Variants in ZNF385D observed in about 807,000 individuals in gnomAD.
ZNF385D encodes zinc finger protein 659.
A neutral mutation model predicts 35.8 loss-of-function variants in ZNF385D; 15 were observed. The observed-to-expected ratio is 0.42, with a 90% CI of 0.28 to 0.64. ZNF385D has a LOEUF of 0.64. ZNF385D is among the 30% of genes least tolerant of loss of function. ZNF385D has a pLI of 0.23. For synonymous variants in ZNF385D, 212 were observed against 186.8 expected, an observed-to-expected ratio of 1.13 and a Z score of -1.10; for missense variants, 474 against 494.6, an observed-to-expected ratio of 0.96 and a Z score of 0.39.
intron 3 of ZNF385D, among the ~76,000 whole-genome samples, chr3:21,822,599 TG>T (rs1424701103): frequency 6.9e-6 from 1 of 144,776 alleles, no homozygotes; most frequent in Non-Finnish European, 1.5e-5. Context: ...TAGAAACTTC[TG>T]GAATGGAAAC....
chr3:22,266,500 G>A (rs1700903410), intron 2 of ZNF385D, among the ~76,000 whole-genome samples: 2 of 151,810 alleles, frequency 1.3e-5, no homozygotes, highest in Non-Finnish European at 2.9e-5. Flanking sequence ...AAGCTACCAA[G>A]ATCTTCCTAA....
In ZNF385D at chr3:21,893,177, G is replaced by A. The variant is rs949807848; in HGVS notation, c.326-228149C>T. ...AATGGTGAGAATTCCAGGTATTGTTGATGTGGAAGAGTATTGGTAGATTAG... is the reference window on the plus strand; with the variant it reads ...AATGGTGAGAATTCCAGGTATTGTTAATGTGGAAGAGTATTGGTAGATTAG... On this transcript the variant is annotated intron_variant, in intron 3 of 5. Coordinates refer to the ZNF385D transcript ENST00000494108. Among the ~76,000 whole-genome samples the A allele has an allele frequency of 4.6e-5, 7 of 152,204 alleles. No individual in the cohort carries two copies. In the South Asian group the frequency reaches 1.2e-3, roughly 27 times the overall value.
At chr3:21,847,317 G>A (rs527747715) in intron 3 of ZNF385D, among the ~76,000 whole-genome samples, 1 of 152,146 alleles carries the variant, frequency 6.6e-6, no homozygotes, top group East Asian at 1.9e-4. Context: ...GAGTTCCACT[G>A]TTTAAGAAAG....
At chr3:21,930,241 T>A (rs918447276) in intron 3 of ZNF385D, among the ~76,000 whole-genome samples, 1 of 148,498 alleles carries the variant, frequency 6.7e-6, no homozygotes, top group African/African-American at 2.5e-5. Context: ...GGTATCTACA[T>A]GCAAAAGTAA....
chr3:22,230,167 T>A (rs1698801131), intron 2 of ZNF385D, among the ~76,000 whole-genome samples: 1 of 152,250 alleles, frequency 6.6e-6, no homozygotes, highest in Admixed American at 6.5e-5. Context: ...CAAATTTGGC[T>A]TAAAGAAAAA....
At chr3:22,271,780 G>A (rs1047423657) in intron 2 of ZNF385D, among the ~76,000 whole-genome samples, 4 of 151,878 alleles carry the variant, frequency 2.6e-5, no homozygotes, top group Non-Finnish European at 4.4e-5. Flanking sequence ...CAGACTCAAA[G>A]TTAGCCTTTT....
intron 3 of ZNF385D, among the ~76,000 whole-genome samples, chr3:22,165,512 G>T (rs182478000): frequency 2.0e-5 from 3 of 152,224 alleles, no homozygotes; most frequent in Admixed American, 6.5e-5. Context: ...ATTTTTATTT[G>T]TATTCCCACT....
chr3:21,628,275 T>C (rs868258473), intron 2 of ZNF385D, among the ~76,000 whole-genome samples: 5 of 152,124 alleles, frequency 3.3e-5, no homozygotes, highest in Admixed American at 6.6e-5. Flanking sequence ...TCAGTTTAAT[T>C]GCTCACAAGC....
At chr3:21,656,949 A>G (rs1241798322) in intron 2 of ZNF385D, among the ~76,000 whole-genome samples, 11 of 151,932 alleles carry the variant, frequency 7.2e-5, no homozygotes, top group Non-Finnish European at 1.5e-4. Flanking sequence ...TATTTACTCA[A>G]AATCCCAGTT....
At chr3:21,788,334 CG>C (rs1241461027) in intron 3 of ZNF385D, among the ~76,000 whole-genome samples, 1 of 152,060 alleles carries the variant, frequency 6.6e-6, no homozygotes, top group Non-Finnish European at 1.5e-5. Context: ...CAAAATTAGC[CG>C]GGCTTGGTGG....
In ZNF385D at chr3:21,818,622, G is replaced by A. The variant is rs930441077; in HGVS notation, c.326-153594C>T. ...CTACACATTAGAGCATGGGCGTATGGAGGAAATGAGAAAGGGTAATAAGAT... is the reference window on the plus strand; with the variant it reads ...CTACACATTAGAGCATGGGCGTATGAAGGAAATGAGAAAGGGTAATAAGAT... On this transcript the variant is annotated intron_variant, in intron 3 of 5. Transcript: ENST00000494108. 7.2e-5 allele frequency among the ~76,000 whole-genome samples: 11 copies of A among 152,032 alleles called. 1 individual carries two copies. Among genetic ancestry groups the A allele is most frequent in the Admixed American group, 6.6e-4 (10 of 15,256 alleles).
At chr3:21,553,170 A>G (rs1320577729) in intron 3 of ZNF385D, among the ~76,000 whole-genome samples, 1 of 152,130 alleles carries the variant, frequency 6.6e-6, no homozygotes, top group Non-Finnish European at 1.5e-5. Context: ...AAAGAACATA[A>G]CCTTGCAGAC....
At chr3:21,824,492 T>C (rs1694474805) in intron 3 of ZNF385D, among the ~76,000 whole-genome samples, 1 of 152,180 alleles carries the variant, frequency 6.6e-6, no homozygotes, top group African/African-American at 2.4e-5. Flanking sequence ...CATATGTACA[T>C]ACATTTATGT....
At chr3:22,190,075 G>T (rs954495219) in intron 2 of ZNF385D, among the ~76,000 whole-genome samples, 1 of 152,124 alleles carries the variant, frequency 6.6e-6, no homozygotes, top group South Asian at 2.1e-4. Flanking sequence ...CCCAGTGGGT[G>T]TAACGAAGCA....
At chr3:21,609,952 T>G (rs911317308) in intron 2 of ZNF385D, among the ~76,000 whole-genome samples, 1 of 152,184 alleles carries the variant, frequency 6.6e-6, no homozygotes, top group African/African-American at 2.4e-5. Flanking sequence ...TTAAACTGTT[T>G]CCAGTTGCGC....
intron 2 of ZNF385D, among the ~76,000 whole-genome samples, chr3:21,613,062 T>A (rs985013871): frequency 3.3e-5 from 5 of 151,900 alleles, no homozygotes; most frequent in Admixed American, 1.3e-4. Flanking sequence ...GCTCGTTACT[T>A]TTTCAGATTT....
chr3:22,110,621 C>G (rs1198018310), intron 3 of ZNF385D, among the ~76,000 whole-genome samples: 1 of 151,672 alleles, frequency 6.6e-6, no homozygotes, highest in Admixed American at 6.6e-5. Flanking sequence ...GGGAACATCA[C>G]ACTCCAGGGC....
chr3:22,258,439 G>C lies in ZNF385D; in HGVS notation c.107-89404C>G, dbSNP rs115903936. Among the ~76,000 whole-genome samples, 1,450 of 151,816 alleles carry C rather than the reference G, an allele frequency of 9.6e-3. 21 individuals carry two copies. The highest frequency in any genetic ancestry group is 0.033 in the African/African-American group (1,354 of 41,506). On this transcript the variant is annotated intron_variant, in intron 2 of 5. Transcript: ENST00000494108. ...AAATACATTTGTTGCTATTTTGGAA[G>C]AGATACAAATGTACTCTGTATAATA...
chr3:22,323,478 C>G (rs766759808), intron 2 of ZNF385D, among the ~76,000 whole-genome samples: 17 of 152,090 alleles, frequency 1.1e-4, no homozygotes, highest in Non-Finnish European at 2.1e-4. Flanking sequence ...TCTGCTAACA[C>G]TACTAGCTGA....
Sources: gnomAD v4.1 joint callset for allele counts (sites outside exome capture counted in the v4.1 genomes callset) on GRCh38, gnomAD v4.1.1 for gene constraint, MANE v1.5 for transcripts, NCBI Gene and HGNC (gene_info 2026-07-23, HGNC 2026-07-21) for gene names.